The following INTS9 variants were observed in gnomAD, a reference collection of about 807,000 sequenced individuals.
INTS9 encodes integrator complex subunit 9.
In INTS9, 55 loss-of-function variants were observed where a neutral mutation model predicts 79.7. The ratio of observed to expected loss-of-function variants is 0.69; its 90% CI spans 0.56 to 0.86. The LOEUF is 0.86. Ranked by LOEUF, INTS9 falls within the 40% of genes least tolerant of loss-of-function variation. The pLI is 0.00. For missense variants in INTS9, 721 were observed against 831.5 expected (o/e 0.87, Z 1.64); for synonymous variants, 319 against 325.2 (o/e 0.98, Z 0.20).
rs533149874 is a variant in INTS9 at position 28,861,372 on chromosome 8, G to A, written c.10-1809C>T. On this transcript the variant is annotated intron_variant, in intron 1 of 16. Transcript: ENST00000521022. Reference sequence around the variant, plus strand: ...TCTCAAAATGAACACAAAGCATCATGTTAAACTTGCTCCAAATATAGCAAA... The same window carrying A: ...TCTCAAAATGAACACAAAGCATCATATTAAACTTGCTCCAAATATAGCAAA... Among the ~76,000 whole-genome samples, 24 of 152,282 alleles carry A rather than the reference G, an allele frequency of 1.6e-4. No individual in the cohort carries two copies. The South Asian group carries it at 1.9e-3, about 12-fold the overall frequency.
chr8:28,884,168 CTTTTTTTTTTTTTTTTT>C (rs35799882), intron 1 of INTS9, among the ~76,000 whole-genome samples: 26 of 46,978 alleles, frequency 5.5e-4, no homozygotes, highest in African/African-American at 1.9e-3. Context: ...ATCAGTGTAT[CTTTTTTTTTTTTTTTTT>C]TTTTTTTTTT....
intron 12 of INTS9, among the ~76,000 whole-genome samples, chr8:28,779,685 T>G (rs1803127443): frequency 6.6e-6 from 1 of 151,980 alleles, no homozygotes. Context: ...CCAGCCGGAG[T>G]CCTGCAAGGT....
intron 3 of INTS9, among the ~76,000 whole-genome samples, chr8:28,848,548 T>C (rs7839852): frequency 0.17 from 25,402 of 152,124 alleles, 2,563 homozygotes; most frequent in East Asian, 0.47. Flanking sequence ...TTAATTACAA[T>C]GTACCTGCCA....
At chr8:28,825,783 C>G (rs35927132) in intron 6 of INTS9, among the ~76,000 whole-genome samples, 1 of 152,148 alleles carries the variant, frequency 6.6e-6, no homozygotes, top group Admixed American at 6.5e-5. Context: ...TGCAAAGCAT[C>G]TACAACTTTT....
chr8:28,827,278 T>C (rs1181012629), intron 6 of INTS9, among the ~76,000 whole-genome samples: 1 of 152,260 alleles, frequency 6.6e-6, no homozygotes, highest in Admixed American at 6.5e-5. Context: ...GAAGAACTTC[T>C]TTCCCAGGGC....
intron 16 of INTS9, among the ~76,000 whole-genome samples, chr8:28,769,019 C>A (rs1216896404): frequency 6.6e-6 from 1 of 152,114 alleles, no homozygotes; most frequent in African/African-American, 2.4e-5. Context: ...TTTTAAAAGT[C>A]CAGCTTGAGG....
rs1422431486 is a variant in INTS9, at chr8:28,796,524, G to A, written c.856+20C>T. The A allele has an allele frequency of 1.5e-6, 2 of 1,329,682 alleles. No homozygotes were observed. The highest frequency in any genetic ancestry group is 1.2e-5 in the South Asian group (1 of 85,100). 82.4% of individuals were successfully genotyped at this position (1,329,682 alleles called of 1,614,324 possible). On this transcript the variant is annotated intron_variant, in intron 9 of 16. Transcript: ENST00000521022. Reference sequence around the variant, plus strand: ...ATGCAAGATAGATCATCCAACGTAAGATGAGAGACGGTTGCACACCTAGGT... The same window carrying A: ...ATGCAAGATAGATCATCCAACGTAAAATGAGAGACGGTTGCACACCTAGGT...
chr8:28,788,148 G>A (rs1233720053), intron 10 of INTS9, among the ~76,000 whole-genome samples: 3 of 152,168 alleles, frequency 2.0e-5, no homozygotes, highest in African/African-American at 7.2e-5. Context: ...TTAAAGAAAA[G>A]CTGCAAAGAC....
intron 6 of INTS9, among the ~76,000 whole-genome samples, chr8:28,833,065 A>G (rs150618666): frequency 6.6e-6 from 1 of 152,346 alleles, no homozygotes; most frequent in East Asian, 1.9e-4. Context: ...AGTGTTACAT[A>G]AGTAAAATAA....
Position 28,777,896 on chromosome 8 carries a change from C to T in INTS9, c.1328G>A (p.Cys443Tyr). ...CCGGGTGTCGATGGGGCAGTAGATG[C>T]ATTTCATGGCCAGCGGCTGGTAAGG... ...LAPYQPLAMK[C>Y]IYCPIDTRLN... The change falls in exon 13 of 17, where the codon TGC (cysteine) becomes TAC (tyrosine). Residue 443 changes from cysteine (C) to tyrosine (Y), a missense_variant. By Grantham distance (194) the Cys-to-Tyr change is radical. Around this residue, in one of 3 missense-constraint regions of INTS9, gnomAD observed 281 missense variants for 300.8 expected, o/e 0.93. Transcript: ENST00000521022. 1.2e-6 allele frequency: 2 copies of T among 1,612,758 alleles called. No homozygotes were observed. Among genetic ancestry groups the T allele is most frequent in the Non-Finnish European group, 8.5e-7 (1 of 1,179,388 alleles).
chr8:28,780,422 G>A, intron 12 of INTS9: 1 of 985,140 alleles, frequency 1.0e-6, no homozygotes, highest in Non-Finnish European at 1.2e-6. Flanking sequence ...TCCCCTGAGG[G>A]ATTTGTCTCC....
intron 1 of INTS9, among the ~76,000 whole-genome samples, chr8:28,865,472 TAAA>T (rs78350760): frequency 3.4e-5 from 4 of 116,498 alleles, no homozygotes; most frequent in Admixed American, 8.9e-5. Flanking sequence ...ACCCCATCTC[TAAA>T]AAAAAAAAAA....
At chr8:28,788,003 C>G in intron 10 of INTS9, 114 bp from the exon 11 acceptor site, 1 of 552,534 alleles carries the variant, frequency 1.8e-6, no homozygotes, top group South Asian at 3.8e-5. Flanking sequence ...AAAAATTTCC[C>G]GCCAGTGAAT....
chr8:28,817,763 G>A (rs1178602504), intron 6 of INTS9, among the ~76,000 whole-genome samples: 3 of 122,704 alleles, frequency 2.4e-5, no homozygotes, highest in Admixed American at 8.2e-5. Context: ...CCATTTTAAC[G>A]ATACTGATTC....
intron 8 of INTS9, among the ~76,000 whole-genome samples, chr8:28,805,214 A>G (rs1011651909): frequency 2.0e-5 from 3 of 152,238 alleles, no homozygotes; most frequent in African/African-American, 7.2e-5. Context: ...ATATAATGGA[A>G]CGCAAATCTA....
intron 8 of INTS9, among the ~76,000 whole-genome samples, chr8:28,811,081 C>T (rs1016800813): frequency 8.5e-5 from 13 of 152,162 alleles, no homozygotes; most frequent in African/African-American, 3.1e-4. Context: ...CAAACACTCA[C>T]GGCTTTACGT....
At chr8:28,773,391 G>A (rs1267102175) in intron 14 of INTS9, among the ~76,000 whole-genome samples, 1 of 150,580 alleles carries the variant, frequency 6.6e-6, no homozygotes, top group Non-Finnish European at 1.5e-5. Context: ...ATGAAGCTGG[G>A]AGGCGGAGCT....
intron 8 of INTS9, 152 bp from the exon 9 acceptor site, chr8:28,796,807 C>T (rs1343827791): frequency 3.4e-6 from 2 of 592,804 alleles, no homozygotes; most frequent in Non-Finnish European, 6.1e-6. Flanking sequence ...TGTCCTTAAC[C>T]ACTGGCTGCC....
chr8:28,780,432 C>T (rs900729827), intron 12 of INTS9: 1 of 984,966 alleles, frequency 1.0e-6, no homozygotes, highest in Admixed American at 6.2e-5. Flanking sequence ...GATTTGTCTC[C>T]AGAAGAAAAT....
Sources: allele counts gnomAD v4.1 joint callset (sites outside exome capture counted in the v4.1 genomes callset), GRCh38; gene constraint gnomAD v4.1.1; regional missense constraint gnomAD v4.1.1; transcripts MANE v1.5; gene names NCBI Gene and HGNC (gene_info 2026-07-23, HGNC 2026-07-21).